The following TCEA3 variants were observed in gnomAD, a reference collection of about 807,000 sequenced individuals.
TCEA3 encodes the protein transcription elongation factor A3, also known as transcription elongation factor A protein 3.
TCEA3 carries 36 observed loss-of-function variants against 44.0 expected under a neutral mutation model. That is an observed-to-expected ratio of 0.82 (90% CI 0.63 to 1.08). The LOEUF (loss-of-function observed/expected upper bound fraction) is 1.08, where lower values mean the gene tolerates loss of function less well. Among genes scored for constraint, TCEA3 ranks in the 50% least tolerant of loss-of-function variants. TCEA3 has a pLI of 0.00. For missense variants in TCEA3, 392 were observed against 441.2 expected (o/e 0.89, Z 1.00); for synonymous variants, 162 against 159.7 (o/e 1.01, Z -0.11).
In TCEA3 at chr1:23,399,614, G is replaced by T. The variant is rs74324645; in HGVS notation, c.444-1659C>A. On this transcript the variant is annotated intron_variant, in intron 5 of 10. Transcript: ENST00000450454. Reference sequence around the variant, plus strand: ...ATTTTCATTTTCTTCGTTTGCTTATGCCTATTTGCTAAATCTTCTATACAG... The same window carrying T: ...ATTTTCATTTTCTTCGTTTGCTTATTCCTATTTGCTAAATCTTCTATACAG... Among the ~76,000 whole-genome samples, 826 of 151,856 alleles carry T rather than the reference G, an allele frequency of 5.4e-3. 11 individuals carry two copies. Among genetic ancestry groups the T allele is most frequent in the African/African-American group, 0.019 (766 of 41,378 alleles).
At chr1:23,409,746 A>C (rs1232832341) in intron 4 of TCEA3, among the ~76,000 whole-genome samples, 1 of 151,912 alleles carries the variant, frequency 6.6e-6, no homozygotes, top group Non-Finnish European at 1.5e-5. Flanking sequence ...AGGGGGTTTC[A>C]CCATGTTGGC....
chr1:23,406,419 C>T (rs928498069), intron 5 of TCEA3, among the ~76,000 whole-genome samples: 12 of 152,230 alleles, frequency 7.9e-5, no homozygotes, highest in African/African-American at 2.4e-4. Flanking sequence ...CCAATGTGGC[C>T]CATGGACCCT....
At chr1:23,424,416 T>C (rs948913396) in intron 1 of TCEA3, 149 bp downstream of exon 1, 62 of 661,396 alleles carry the variant, frequency 9.4e-5, no homozygotes, top group Non-Finnish European at 6.4e-5. Context: ...CCAAGGGGCC[T>C]TGGGCCCTGC....
At position 23,417,234 on chromosome 1, in the gene TCEA3, C is replaced by T; in HGVS notation, c.380+15G>A. ...CAAGTGTCAGCTCCCTTCTCTCCATCCCAAAAAAGAATACCTGGTTTTGGG... is the reference window on the plus strand; with the variant it reads ...CAAGTGTCAGCTCCCTTCTCTCCATTCCAAAAAAGAATACCTGGTTTTGGG... On this transcript the variant is annotated intron_variant, in intron 4 of 10. Coordinates refer to ENST00000450454, the MANE Select transcript of TCEA3 (RefSeq NM_003196.3). The T allele has an allele frequency of 6.2e-7, 1 of 1,611,608 alleles. No homozygotes were observed. Among genetic ancestry groups the T allele is most frequent in the East Asian group, 2.2e-5 (1 of 44,878 alleles).
At chr1:23,414,785 C>T (rs1431650982) in intron 4 of TCEA3, among the ~76,000 whole-genome samples, 1 of 152,104 alleles carries the variant, frequency 6.6e-6, no homozygotes, top group African/African-American at 2.4e-5. Flanking sequence ...AATCGCTAAA[C>T]TAAGACAACT....
chr1:23,392,458 T>C (rs1639073986), intron 8 of TCEA3, among the ~76,000 whole-genome samples: 2 of 103,752 alleles, frequency 1.9e-5, no homozygotes, highest in Non-Finnish European at 3.6e-5. Flanking sequence ...ACACACACAC[T>C]CCACACATCA....
intron 10 of TCEA3, among the ~76,000 whole-genome samples, chr1:23,382,744 G>A (rs1638701367): frequency 6.6e-6 from 1 of 152,190 alleles, no homozygotes; most frequent in Non-Finnish European, 1.5e-5. Flanking sequence ...TTTTATAGAT[G>A]AGGAAATCCA....
intron 5 of TCEA3, among the ~76,000 whole-genome samples, chr1:23,405,223 T>A (rs565022160): frequency 1.1e-4 from 16 of 152,022 alleles, no homozygotes; most frequent in Admixed American, 3.3e-4. Context: ...GCCAAATCAA[T>A]GAATGGATGA....
chr1:23,388,521 T>C (rs551813055), intron 8 of TCEA3, among the ~76,000 whole-genome samples: 7 of 152,104 alleles, frequency 4.6e-5, no homozygotes, highest in Non-Finnish European at 1.0e-4. Context: ...TTGCTGTCTG[T>C]CCTGAGTCCT....
rs1638745593 is a variant in TCEA3, at chr1:23,383,922, T to G, written c.1038+424A>C. On this transcript the variant is annotated intron_variant, in intron 10 of 10. Coordinates refer to ENST00000450454, the MANE Select transcript of TCEA3 (RefSeq NM_003196.3). ...GTGGCATTTAGGTTCAACTCCTTTC[T>G]GACAGGGCTCAGCCTTCCTGTTTCC... The G allele has an allele frequency of 3.7e-5, 38 of 1,016,514 alleles. 1 individual carries two copies. The South Asian group carries it at 1.5e-3, about 40-fold the overall frequency. The allele number at this position is 1,016,514 out of a possible 1,614,324, so 63.0% of individuals were successfully genotyped here.
In TCEA3 at chr1:23,424,744, A is replaced by G. The variant is rs1168898125; in HGVS notation, c.-111T>C. 1.5e-4 allele frequency: 103 copies of G among 683,914 alleles called. 1 individual carries two copies. The South Asian group carries it at 1.8e-3, about 12-fold the overall frequency. The allele number at this position is 683,914 out of a possible 1,614,324, so 42.4% of individuals were successfully genotyped here. ...CAACCCGCGCGGGCCCCAAACACAC[A>G]CGACACACACGCCCGGCGGGGGCGG... On this transcript the variant is annotated 5_prime_UTR_variant, in exon 1 of 11. Coordinates refer to ENST00000450454, the MANE Select transcript of TCEA3 (RefSeq NM_003196.3).
At chr1:23,417,670 G>C (rs1189457124) in intron 3 of TCEA3, among the ~76,000 whole-genome samples, 1 of 152,226 alleles carries the variant, frequency 6.6e-6, no homozygotes, top group African/African-American at 2.4e-5. Context: ...AAATGCATGA[G>C]AGCACAAACA....
rs191327698 is a variant in TCEA3, at chr1:23,415,264, C to T, written c.380+1985G>A. ...TCTCGAACTCCTGACCTCAGGTGAT[C>T]CACCCACCTCGGCCTCCCAAAGCGC... On this transcript the variant is annotated intron_variant, in intron 4 of 10. Transcript: ENST00000450454. Among the ~76,000 whole-genome samples the T allele has an allele frequency of 2.2e-3, 336 of 152,206 alleles. 3 individuals are homozygous for T. Among genetic ancestry groups the T allele is most frequent in the Non-Finnish European group, 3.5e-3 (239 of 67,996 alleles).
intron 4 of TCEA3, chr1:23,410,791 ACT>A (rs911313707): frequency 2.6e-5 from 4 of 151,962 alleles, no homozygotes; most frequent in African/African-American, 9.7e-5. Flanking sequence ...ACAGAGGGAG[ACT>A]CCATCTCAAA....
At chr1:23,392,587 TACACACACACTCCACACATCATACAC>T (rs1639087349) in intron 8 of TCEA3, among the ~76,000 whole-genome samples, 2 of 38,420 alleles carry the variant, frequency 5.2e-5, no homozygotes, top group African/African-American at 1.9e-4. Flanking sequence ...CCACACATCA[TACACACACACTCCACACATCATACAC>T]ACACACACAC....
rs758167617 is a variant in TCEA3 at position 23,393,992 on chromosome 1, T to G, written c.706A>C (p.Asn236His). ...ELKSTDMKYR[N>H]RVRSRISNLK... is the part of the protein sequence containing the mutation. ...TTGCTTATGCGGCTGCGCACGCGGT[T>G]CCGGTACTTCATGTCCGTGCTCTTG... is the stretch of plus-strand genomic sequence containing the variant. Residue 236 changes from asparagine to histidine, a missense_variant, in exon 8 of 11, where the codon AAC (asparagine) becomes CAC (histidine). Physicochemically the swap from Asn to His is moderately conservative, Grantham distance 68. Transcript: ENST00000450454. 1 of 1,614,068 alleles carries G rather than the reference T, an allele frequency of 6.2e-7. No individual in the cohort carries two copies. The highest frequency in any genetic ancestry group is 1.1e-5 in the South Asian group (1 of 91,092).
intron 4 of TCEA3, among the ~76,000 whole-genome samples, chr1:23,414,802 T>C (rs1230566322): frequency 6.6e-6 from 1 of 152,162 alleles, no homozygotes; most frequent in Non-Finnish European, 1.5e-5. Context: ...AACTAAAATA[T>C]AATTAAAGAC....
chr1:23,403,995 T>G (rs1401674657), intron 5 of TCEA3: 1 of 635,958 alleles, frequency 1.6e-6, no homozygotes, highest in Non-Finnish European at 2.9e-6. Flanking sequence ...GGGTGGGAGG[T>G]TGGATTTATC....
At chr1:23,419,029 C>T in intron 2 of TCEA3, 48 bp downstream of exon 2, 1 of 1,066,170 alleles carries the variant, frequency 9.4e-7, no homozygotes, top group Non-Finnish European at 1.3e-6. Context: ...CCTCCCCCAC[C>T]AGCTCTCCCC....
Sources: allele counts gnomAD v4.1 joint callset (sites outside exome capture counted in the v4.1 genomes callset), GRCh38; gene constraint gnomAD v4.1.1; transcripts MANE v1.5; gene names NCBI Gene and HGNC (gene_info 2026-07-23, HGNC 2026-07-21).